The following LRRTM4 variants were observed in gnomAD, a reference collection of about 807,000 sequenced individuals.
LRRTM4 encodes leucine-rich repeat transmembrane neuronal protein 4.
LRRTM4 carries 25 observed loss-of-function variants against 47.6 expected under a neutral mutation model. The ratio of observed to expected loss-of-function variants is 0.53; its 90% CI spans 0.38 to 0.73. LRRTM4 has a LOEUF of 0.73. LRRTM4 is among the 30% of genes least tolerant of loss of function. The pLI is 0.00. For synonymous variants in LRRTM4, 311 were observed against 269.5 expected, an observed-to-expected ratio of 1.15 and a Z score of -1.51; for missense variants, 638 against 713.4, an observed-to-expected ratio of 0.89 and a Z score of 1.20.
intron 3 of LRRTM4, among the ~76,000 whole-genome samples, chr2:76,761,643 C>T (rs766184050): frequency 1.6e-4 from 25 of 152,056 alleles, no homozygotes; most frequent in Non-Finnish European, 2.5e-4. Context: ...TAGTAATAGC[C>T]CATTCCACTT....
chr2:76,981,220 C>T (rs576822310), intron 3 of LRRTM4, among the ~76,000 whole-genome samples: 64 of 152,196 alleles, frequency 4.2e-4, no homozygotes, highest in Non-Finnish European at 7.5e-4. Flanking sequence ...GTGGGAAATA[C>T]GGACATGTGA....
At chr2:77,148,794 T>C (rs1436355689) in intron 3 of LRRTM4, among the ~76,000 whole-genome samples, 4 of 152,142 alleles carry the variant, frequency 2.6e-5, no homozygotes, top group African/African-American at 9.7e-5. Context: ...TGTGTATTTA[T>C]AATTCAATGA....
rs374301203 is a variant in LRRTM4 at position 77,053,099 on chromosome 2, T to C, written c.1552-304183A>G. Among the ~76,000 whole-genome samples, 7 of 152,266 alleles carry C rather than the reference T, an allele frequency of 4.6e-5. No individual in the cohort carries two copies. The South Asian group carries it at 1.2e-3, about 27-fold the overall frequency. ...AAAGAAGTGAGTCCTTGGTGATAAC[T>C]ACAACCTCACTGGTTTAAAGAAACC... is the stretch of plus-strand genomic sequence containing the variant. On this transcript the variant is annotated intron_variant, in intron 3 of 3. Coordinates refer to ENST00000409884, the MANE Select transcript of LRRTM4 (RefSeq NM_001134745.3).
rs749580333 is a variant in LRRTM4, at chr2:77,439,228, C to T, written c.1551+79090G>A. ...AATCAAATCAAATGAAATAATTTCC[C>T]GCGTACAGCTCTTAGAAGTCCTATT... On this transcript the variant is annotated intron_variant, in intron 3 of 3. Transcript: ENST00000409884. Among the ~76,000 whole-genome samples the T allele has an allele frequency of 3.5e-4, 53 of 152,112 alleles. 1 individual carries two copies. The highest frequency in any genetic ancestry group is 1.2e-4 in the Non-Finnish European group (8 of 68,018).
At chr2:77,032,827 T>C (rs1678710097) in intron 3 of LRRTM4, among the ~76,000 whole-genome samples, 1 of 152,144 alleles carries the variant, frequency 6.6e-6, no homozygotes, top group South Asian at 2.1e-4. Context: ...GAAATGCTGA[T>C]TCTTTTTAGC....
chr2:76,811,999 T>G (rs1670748001), intron 3 of LRRTM4, among the ~76,000 whole-genome samples: 1 of 152,208 alleles, frequency 6.6e-6, no homozygotes, highest in African/African-American at 2.4e-5. Context: ...CTAAATATGT[T>G]TCCTAAGAAT....
chr2:77,486,699 ACT>A (rs1272570365), intron 3 of LRRTM4, among the ~76,000 whole-genome samples: 1 of 152,154 alleles, frequency 6.6e-6, no homozygotes, highest in Non-Finnish European at 1.5e-5. Context: ...ACTCTAAGCA[ACT>A]CTATCTTACA....
chr2:77,342,755 A>C (rs1671418880), intron 3 of LRRTM4, among the ~76,000 whole-genome samples: 1 of 151,902 alleles, frequency 6.6e-6, no homozygotes, highest in Non-Finnish European at 1.5e-5. Context: ...ATACCCAGGA[A>C]ATGTAATGTT....
chr2:77,503,554 G>T (rs1443022108), intron 3 of LRRTM4, among the ~76,000 whole-genome samples: 1 of 151,738 alleles, frequency 6.6e-6, no homozygotes, highest in South Asian at 2.1e-4. Context: ...AAGCAACAGA[G>T]AAATAACATG....
At chr2:77,346,412 A>T (rs1476208007) in intron 3 of LRRTM4, among the ~76,000 whole-genome samples, 1 of 152,142 alleles carries the variant, frequency 6.6e-6, no homozygotes, top group African/African-American at 2.4e-5. Context: ...TTTAAAAGGT[A>T]TATTTGCCAA....
At chr2:77,031,269 T>C (rs1212422697) in intron 3 of LRRTM4, among the ~76,000 whole-genome samples, 1 of 152,210 alleles carries the variant, frequency 6.6e-6, no homozygotes, top group Non-Finnish European at 1.5e-5. Flanking sequence ...TTTTTCTTTT[T>C]TCATTAAGAA....
chr2:76,896,031 G>A (rs1272437666), intron 3 of LRRTM4, among the ~76,000 whole-genome samples: 1 of 152,032 alleles, frequency 6.6e-6, no homozygotes, highest in East Asian at 1.9e-4. Flanking sequence ...TTTGTGCCAA[G>A]TAAAGTCTAT....
intron 3 of LRRTM4, among the ~76,000 whole-genome samples, chr2:77,110,830 T>C (rs1240879666): frequency 6.6e-6 from 1 of 152,204 alleles, no homozygotes; most frequent in East Asian, 1.9e-4. Flanking sequence ...ATTAAAGATA[T>C]AGCCTTAAGA....
intron 3 of LRRTM4, among the ~76,000 whole-genome samples, chr2:76,868,608 C>T (rs1299769340): frequency 6.6e-6 from 1 of 152,156 alleles, no homozygotes; most frequent in Non-Finnish European, 1.5e-5. Flanking sequence ...TTTCCCTCAA[C>T]TTAAGGAAGT....
At chr2:76,959,455 A>C (rs1675780246) in intron 3 of LRRTM4, among the ~76,000 whole-genome samples, 1 of 150,296 alleles carries the variant, frequency 6.7e-6, no homozygotes, top group Admixed American at 6.7e-5. Flanking sequence ...GGGAAAAAAA[A>C]CACGACAGAA....
At chr2:77,379,531 T>C (rs1460918164) in intron 3 of LRRTM4, among the ~76,000 whole-genome samples, 1 of 152,148 alleles carries the variant, frequency 6.6e-6, no homozygotes. Context: ...CCCTCACTAG[T>C]TTCTGCTATT....
At chr2:77,521,373 T>C (rs564413706) in intron 2 of LRRTM4, among the ~76,000 whole-genome samples, 23 of 152,086 alleles carry the variant, frequency 1.5e-4, no homozygotes, top group Admixed American at 1.1e-3. Flanking sequence ...AAACACAGTA[T>C]TTATCTCCTT....
chr2:77,125,849 G>T (rs528930760), intron 3 of LRRTM4, among the ~76,000 whole-genome samples: 3 of 151,130 alleles, frequency 2.0e-5, no homozygotes, highest in Admixed American at 6.6e-5. Flanking sequence ...GTAAGGGATT[G>T]CATATTACAC....
intron 3 of LRRTM4, among the ~76,000 whole-genome samples, chr2:77,051,261 C>T (rs1017081331): frequency 2.0e-5 from 3 of 152,002 alleles, no homozygotes; most frequent in Non-Finnish European, 4.4e-5. Flanking sequence ...GTGCAAGTTT[C>T]AGAAACCCTG....
Sources: gnomAD v4.1 joint callset for allele counts (sites outside exome capture counted in the v4.1 genomes callset) on GRCh38, gnomAD v4.1.1 for gene constraint, MANE v1.5 for transcripts, NCBI Gene and HGNC (gene_info 2026-07-23, HGNC 2026-07-21) for gene names.